HACL1: variants seen among roughly 807,000 people sequenced by gnomAD.
HACL1 encodes the protein 2-hydroxyacyl-CoA lyase 1.
HACL1 carries 64 observed loss-of-function variants against 74.2 expected under a neutral mutation model. That is an observed-to-expected ratio of 0.86 (90% CI 0.70 to 1.06). The LOEUF is 1.06. HACL1 is among the 50% of genes least tolerant of loss of function. The probability of loss-of-function intolerance (pLI) is 0.00; values close to 1 mark genes in which losing one functional copy is unlikely to be tolerated. For synonymous variants in HACL1, 230 were observed against 238.8 expected (o/e 0.96, Z 0.34); for missense variants, 728 against 719.7 (o/e 1.01, Z -0.13).
intron 11 of HACL1, 51 bp from the exon 12 acceptor site, chr3:15,571,820 CTTTTT>C (rs759202943): frequency 1.3e-5 from 4 of 307,488 alleles, no homozygotes; most frequent in African/African-American, 5.9e-5. Context: ...TTTTCTTTGC[CTTTTT>C]TTTCTTTTTT....
At chr3:15,567,207 T>A (rs2063450379) in intron 14 of HACL1, among the ~76,000 whole-genome samples, 1 of 27,388 alleles carries the variant, frequency 3.7e-5, no homozygotes, top group Non-Finnish European at 1.1e-4. Flanking sequence ...CCATGCTGCC[T>A]TTTTTTTTTT....
intron 14 of HACL1, 140 bp downstream of exon 14, chr3:15,567,704 A>G (rs2063461140): frequency 1.4e-6 from 1 of 722,784 alleles, no homozygotes; most frequent in Non-Finnish European, 2.4e-6. Context: ...TACTGCCACT[A>G]GCATCCTCAG....
chr3:15,583,111 A>G (rs751425963), intron 7 of HACL1, 122 bp from the exon 8 acceptor site: 1 of 556,436 alleles, frequency 1.8e-6, no homozygotes, highest in Non-Finnish European at 3.3e-6. Flanking sequence ...CCCCATGTAG[A>G]TCTAACAACT....
At chr3:15,594,009 G>C (rs1293778108) in intron 3 of HACL1, among the ~76,000 whole-genome samples, 1 of 151,970 alleles carries the variant, frequency 6.6e-6, no homozygotes, top group Admixed American at 6.5e-5. Context: ...TGTTTGGCCA[G>C]GCTTGTCTCC....
intron 3 of HACL1, 178 bp downstream of exon 3, chr3:15,596,206 C>T (rs2064060200): frequency 1.8e-6 from 1 of 569,130 alleles, no homozygotes; most frequent in Admixed American, 3.0e-5. Context: ...CTCTGAAACA[C>T]TTCTGGTATC....
intron 3 of HACL1, among the ~76,000 whole-genome samples, chr3:15,592,330 A>C (rs1025673596): frequency 2.1e-5 from 3 of 143,060 alleles, no homozygotes; most frequent in South Asian, 4.2e-4. Context: ...ATGTATATAT[A>C]CTCTGGGCAC....
chr3:15,589,650 T>C, intron 4 of HACL1, 38 bp from the exon 5 acceptor site: 1 of 1,228,368 alleles, frequency 8.1e-7, no homozygotes, highest in Non-Finnish European at 1.2e-6. Context: ...AATTACAAAT[T>C]AGATCATCAT....
chr3:15,585,188 G>A lies in HACL1; in HGVS notation c.554+60C>T, dbSNP rs75800850. The A allele has an allele frequency of 1.7e-3, 1,389 of 809,928 alleles. 9 individuals carry two copies. Among genetic ancestry groups the A allele is most frequent in the Middle Eastern group, 6.4e-3 (28 of 4,392 alleles). The allele number at this position is 809,928 out of a possible 1,614,324, so 50.2% of individuals were successfully genotyped here. The stretch of plus-strand genomic sequence containing the variant: ...CTGCTGGGTAAATTCTTCTAAAAAG[G>A]TAGGCATTATGATAATACATGTACA... On this transcript the variant is annotated intron_variant, in intron 7 of 16. Coordinates refer to ENST00000321169, the MANE Select transcript of HACL1 (RefSeq NM_012260.4).
intron 4 of HACL1, among the ~76,000 whole-genome samples, chr3:15,591,357 T>C (rs1316652694): frequency 6.6e-6 from 1 of 152,178 alleles, no homozygotes; most frequent in Non-Finnish European, 1.5e-5. Flanking sequence ...GCTTTCATGT[T>C]GTACATTAGA....
intron 12 of HACL1, among the ~76,000 whole-genome samples, chr3:15,568,803 T>C (rs1003059993): frequency 2.0e-5 from 3 of 152,148 alleles, no homozygotes; most frequent in African/African-American, 7.2e-5. Flanking sequence ...CACAATTAAA[T>C]AAGCTCGGGA....
intron 2 of HACL1, among the ~76,000 whole-genome samples, chr3:15,598,088 A>G (rs572982387): frequency 6.6e-6 from 1 of 151,172 alleles, no homozygotes; most frequent in East Asian, 1.9e-4. Context: ...GCAATGATGC[A>G]ATATTGGCTC....
chr3:15,567,937 A>C lies in HACL1; in HGVS notation c.1316T>G (p.Val439Gly). The C allele has an allele frequency of 6.2e-7, 1 of 1,613,944 alleles. No individual in the cohort carries two copies. Among genetic ancestry groups the C allele is most frequent in the East Asian group, 2.2e-5 (1 of 44,886 alleles). The change falls in exon 14 of 17, where the codon GTG (valine) becomes GGG (glycine). Residue 439 changes from valine to glycine, a missense_variant. Coordinates refer to ENST00000321169, the MANE Select transcript of HACL1 (RefSeq NM_012260.4). ...TTGCCCAGGGCTTCTATCTTTAGCC[A>C]CCACGGCAGCTGCAATAGCAAATCC... The part of the protein sequence containing the change: ...GLGFAIAAAV[V>G]AKDRSPGQWI...
intron 4 of HACL1, among the ~76,000 whole-genome samples, chr3:15,590,304 C>G (rs926547638): frequency 2.0e-5 from 3 of 151,482 alleles, no homozygotes; most frequent in African/African-American, 4.9e-5. Context: ...AGTGACATTC[C>G]TCAGCAATGA....
At chr3:15,592,058 A>G (rs529980272) in intron 3 of HACL1, among the ~76,000 whole-genome samples, 23 of 13,948 alleles carry the variant, frequency 1.6e-3, no homozygotes, top group Admixed American at 3.1e-3. Flanking sequence ...CTATATACGT[A>G]TATATACGTA....
chr3:15,580,491 G>C (rs2063701204), intron 8 of HACL1, among the ~76,000 whole-genome samples: 1 of 152,130 alleles, frequency 6.6e-6, no homozygotes, highest in Admixed American at 6.5e-5. Flanking sequence ...TTTATCGCTG[G>C]TATTTTAAAA....
At position 15,561,862 on chromosome 3, in the gene HACL1, G is replaced by C. The variant is rs557850695; in HGVS notation, c.1705-965C>G. On this transcript the variant is annotated intron_variant, in intron 16 of 16. Coordinates refer to ENST00000321169, the MANE Select transcript of HACL1 (RefSeq NM_012260.4). ...TGCCCAGTTAATTTTTGTATTTTTAGTAGAGACAGGTTTCACCATGTTGGC... is the reference window on the plus strand; with the variant it reads ...TGCCCAGTTAATTTTTGTATTTTTACTAGAGACAGGTTTCACCATGTTGGC... 1.6e-4 allele frequency among the ~76,000 whole-genome samples: 24 copies of C among 152,234 alleles called. No individual in the cohort carries two copies. In the South Asian group the frequency reaches 5.0e-3, roughly 32 times the overall value.
In HACL1 at chr3:15,567,268, T is replaced by C. The variant is rs189580484; in HGVS notation, c.1409+576A>G. Among the ~76,000 whole-genome samples the C allele has an allele frequency of 7.9e-4, 112 of 142,672 alleles. 2 individuals carry two copies. Among genetic ancestry groups the C allele is most frequent in the Non-Finnish European group, 1.4e-3 (93 of 66,512 alleles). 93.6% of individuals were successfully genotyped at this position (142,672 alleles called of 152,430 possible). ...CTCTGTCACCCAGGCTAGAGTGCAG[T>C]GGTGCGATTTCAGCTCACTGCAACC... On this transcript the variant is annotated intron_variant, in intron 14 of 16. Transcript: ENST00000321169.
At chr3:15,594,847 C>T (rs376069829) in intron 3 of HACL1, among the ~76,000 whole-genome samples, 5 of 152,210 alleles carry the variant, frequency 3.3e-5, no homozygotes, top group Non-Finnish European at 4.4e-5. Context: ...ATGAACTTTT[C>T]GGCCGGGCAT....
intron 6 of HACL1, among the ~76,000 whole-genome samples, chr3:15,585,547 A>G (rs57386730): frequency 0.11 from 15,716 of 144,432 alleles, 1,073 homozygotes; most frequent in East Asian, 0.37. Flanking sequence ...GAGAGATAAG[A>G]AAGTATTCAT....
Sources: allele counts gnomAD v4.1 joint callset (sites outside exome capture counted in the v4.1 genomes callset), GRCh38; gene constraint gnomAD v4.1.1; transcripts MANE v1.5; gene names NCBI Gene and HGNC (gene_info 2026-07-23, HGNC 2026-07-21).